The following DHRS12 variants were observed in gnomAD, a reference collection of about 807,000 sequenced individuals.
The protein encoded by DHRS12 is dehydrogenase/reductase 12.
A neutral mutation model predicts 32.1 loss-of-function variants in DHRS12; 29 were observed. The observed-to-expected ratio is 0.90, with a 90% CI of 0.67 to 1.23. The LOEUF (loss-of-function observed/expected upper bound fraction) is 1.23, where lower values mean the gene tolerates loss of function less well. DHRS12 is among the 50% of genes most tolerant of loss of function. DHRS12 has a pLI of 0.00. For synonymous variants in DHRS12, 150 were observed against 135.9 expected, an observed-to-expected ratio of 1.10 and a Z score of -0.72; for missense variants, 330 against 337.2, an observed-to-expected ratio of 0.98 and a Z score of 0.17.
At chr13:51,776,090 A>ATGGTTCTGGAGCCCAGAAGTC (rs1566281386) in intron 5 of DHRS12, 1 of 86,140 alleles carries the variant, frequency 1.2e-5, no homozygotes, top group Non-Finnish European at 2.3e-5. Flanking sequence ...GTATTCTCCT[A>ATGGTTCTGGAGCCCAGAAGTC]CATGTATTCT....
chr13:51,768,513 C>T, intron 8 of DHRS12: 1 of 1,409,094 alleles, frequency 7.1e-7, no homozygotes, highest in Non-Finnish European at 9.2e-7. Context: ...GCAGCCAGGG[C>T]TGGACGGGAG....
intron 4 of DHRS12, chr13:51,789,778 GA>G: frequency 2.0e-6 from 2 of 984,340 alleles, no homozygotes; most frequent in Non-Finnish European, 1.2e-6. Flanking sequence ...CGCTTCCTAG[GA>G]AAAAAAACAC....
chr13:51,798,749 A>G (rs1325168443), intron 2 of DHRS12, among the ~76,000 whole-genome samples: 5 of 152,236 alleles, frequency 3.3e-5, no homozygotes, highest in Admixed American at 6.5e-5. Flanking sequence ...AAACATCTTC[A>G]GCATCTTAAA....
chr13:51,771,980 A>T, intron 6 of DHRS12, 69 bp from the exon 7 acceptor site: 5 of 1,428,944 alleles, frequency 3.5e-6, no homozygotes, highest in Non-Finnish European at 4.9e-6. Flanking sequence ...GCAGGGGATA[A>T]GCCCTGCCCA....
chr13:51,799,335 TTAAG>T (rs1287819979), intron 2 of DHRS12, among the ~76,000 whole-genome samples, 195 bp downstream of exon 2: 10 of 152,190 alleles, frequency 6.6e-5, no homozygotes, highest in Admixed American at 1.3e-4. Flanking sequence ...TGAGAATTAA[TTAAG>T]TGTTGAGGAA....
At chr13:51,755,364 G>C in the DHRS12 span, 9 of 1,614,174 alleles carry the variant, frequency 5.6e-6, no homozygotes, top group Non-Finnish European at 7.6e-6. Context: ...CAAGACCCCT[G>C]AATGGTTGGA....
intron 2 of DHRS12, among the ~76,000 whole-genome samples, chr13:51,793,752 C>T (rs567413753): frequency 6.6e-6 from 1 of 152,348 alleles, no homozygotes; most frequent in East Asian, 1.9e-4. Flanking sequence ...GACACCTAAT[C>T]CTTCCATTTT....
chr13:51,755,561 G>T, the DHRS12 span: 44 of 1,112,786 alleles, frequency 4.0e-5, no homozygotes, highest in Non-Finnish European at 5.5e-5. Flanking sequence ...TGTGGTGAGG[G>T]TAAATTATTA....
chr13:51,794,720 AAGCCTATCTCAAAAAT>A (rs1464470221), intron 2 of DHRS12, among the ~76,000 whole-genome samples: 1 of 152,176 alleles, frequency 6.6e-6, no homozygotes, highest in African/African-American at 2.4e-5. Context: ...CCAACTGTGA[AAGCCTATCTCAAAAAT>A]AGCCTATCTC....
At chr13:51,801,155 T>C (rs1371975265) in intron 1 of DHRS12, among the ~76,000 whole-genome samples, 1 of 152,184 alleles carries the variant, frequency 6.6e-6, no homozygotes, top group Non-Finnish European at 1.5e-5. Flanking sequence ...ATGACAGCAC[T>C]TGGAACATAT....
At chr13:51,771,332 A>G in intron 7 of DHRS12, 1 of 1,599,942 alleles carries the variant, frequency 6.3e-7, no homozygotes, top group Non-Finnish European at 8.5e-7. Flanking sequence ...CCGGAAGAGA[A>G]TTCTGCTCCC....
intron 4 of DHRS12, chr13:51,777,504 G>C (rs1954493023): frequency 4.8e-6 from 1 of 207,018 alleles, no homozygotes; most frequent in Non-Finnish European, 9.9e-6. Flanking sequence ...CTCAAGGGTG[G>C]AATTCAGTAA....
chr13:51,764,685 A>G (rs899442651), downstream of DHRS12: 3 of 152,262 alleles, frequency 2.0e-5, no homozygotes, highest in Admixed American at 6.5e-5. Flanking sequence ...TTATAATAGT[A>G]TCAGTTTCTT....
At chr13:51,772,864 T>C (rs1954095429) in intron 6 of DHRS12, 1 of 985,426 alleles carries the variant, frequency 1.0e-6, no homozygotes, top group East Asian at 1.1e-4. Context: ...TGAGATGTAA[T>C]TCACCAGGAT....
chr13:51,756,415 T>A, the DHRS12 span: 12 of 1,614,000 alleles, frequency 7.4e-6, no homozygotes, highest in African/African-American at 1.3e-5. Flanking sequence ...GCTTCGAGTT[T>A]GAAGTGAGGG....
the DHRS12 span, among the ~76,000 whole-genome samples, chr13:51,759,370 G>T: frequency 6.6e-6 from 1 of 152,180 alleles, no homozygotes; most frequent in Non-Finnish European, 1.5e-5. Context: ...AATCTATATT[G>T]TCGCTTTCAT....
chr13:51,782,477 G>T lies in DHRS12; in HGVS notation c.302-5356C>A, dbSNP rs764276752. On this transcript the variant is annotated intron_variant, in intron 4 of 8. Coordinates refer to ENST00000444610, the MANE Select transcript of DHRS12 (RefSeq NM_001377533.1). This position sits in a 1 kb window ranked among gnomAD's most constrained non-coding sequence, Gnocchi z 4.2. ...GCTGTGCCCAGTGCTGCCCATGGAT[G>T]TGGTAGAGGTGCGCTCTCCAGAACC... Among the ~76,000 whole-genome samples, 36 of 152,190 alleles carry T rather than the reference G, an allele frequency of 2.4e-4. No individual in the cohort carries two copies. Among genetic ancestry groups the T allele is most frequent in the Non-Finnish European group, 4.8e-4 (33 of 68,042 alleles).
intron 6 of DHRS12, 27 bp downstream of exon 6, chr13:51,773,903 C>T (rs2138965735): frequency 1.3e-6 from 2 of 1,595,214 alleles, no homozygotes; most frequent in Non-Finnish European, 1.7e-6. Flanking sequence ...GGGTAAAATG[C>T]AGTCTCAGGA....
intron 4 of DHRS12, among the ~76,000 whole-genome samples, chr13:51,781,698 G>A (rs193188482): frequency 6.6e-6 from 1 of 152,200 alleles, no homozygotes; most frequent in Non-Finnish European, 1.5e-5. Context: ...GAGGCCCTGA[G>A]GCTGGAGAGT....
Sources: allele counts gnomAD v4.1 joint callset (sites outside exome capture counted in the v4.1 genomes callset), GRCh38; gene constraint gnomAD v4.1.1; non-coding constraint Gnocchi (gnomAD v3.1); transcripts MANE v1.5; gene names NCBI Gene and HGNC (gene_info 2026-07-23, HGNC 2026-07-21).